Variants in PITPNA observed in about 807,000 individuals in gnomAD.
The protein encoded by PITPNA is phosphatidylinositol transfer protein alpha.
In PITPNA, 13 loss-of-function variants were observed where a neutral mutation model predicts 50.3. The ratio of observed to expected loss-of-function variants is 0.26; its 90% confidence interval spans 0.17 to 0.41. The LOEUF is 0.41. Among genes scored for constraint, PITPNA ranks in the 10% least tolerant of loss-of-function variants. The probability of loss-of-function intolerance (pLI) is 1.00; values close to 1 mark genes in which losing one functional copy is unlikely to be tolerated. For synonymous variants in PITPNA, 120 were observed against 119.6 expected (o/e 1.00, Z -0.02); for missense variants, 207 against 333.4 (o/e 0.62, Z 2.95).
intron 10 of PITPNA, 72 bp from the exon 11 acceptor site, chr17:1,521,717 C>T: frequency 1.6e-6 from 2 of 1,288,216 alleles, no homozygotes; most frequent in African/African-American, 1.5e-5. Context: ...CAGTCCTGCC[C>T]ATAGGTGGGG....
chr17:1,527,278 C>T (rs1026356161), intron 10 of PITPNA, among the ~76,000 whole-genome samples: 16 of 152,108 alleles, frequency 1.1e-4, no homozygotes, highest in Non-Finnish European at 1.6e-4. Flanking sequence ...GAGTTTCGCT[C>T]TGTTGCCCAG....
chr17:1,548,431 G>T, intron 3 of PITPNA, 44 bp from the exon 4 acceptor site: 1 of 1,365,444 alleles, frequency 7.3e-7, no homozygotes, highest in Non-Finnish European at 1.0e-6. Flanking sequence ...ATGGTAGAGA[G>T]AAAGGAGACA....
At position 1,520,224 on chromosome 17, in the gene PITPNA, C is replaced by T. The variant is rs1464266053; in HGVS notation, c.*337G>A. Reference sequence around the variant, plus strand: ...TCACAAAAGGCAGCTATTTGAAAGACTGAAAATGTCACTTGGAAATAAAGG... The same window carrying T: ...TCACAAAAGGCAGCTATTTGAAAGATTGAAAATGTCACTTGGAAATAAAGG... On this transcript the variant is annotated 3_prime_UTR_variant, in exon 12 of 12. Coordinates refer to ENST00000313486, the MANE Select transcript of PITPNA (RefSeq NM_006224.4). 6.6e-6 allele frequency: 1 copy of T among 152,440 alleles called. No individual in the cohort carries two copies. Among genetic ancestry groups the T allele is most frequent in the Non-Finnish European group, 1.5e-5 (1 of 68,048 alleles). The allele number at this position is 152,440 out of a possible 1,614,324, so 9.4% of individuals were successfully genotyped here.
At chr17:1,533,824 G>A (rs937400238) in intron 10 of PITPNA, among the ~76,000 whole-genome samples, 6 of 152,082 alleles carry the variant, frequency 3.9e-5, no homozygotes, top group Non-Finnish European at 5.9e-5. Context: ...CTGAAGCATC[G>A]CTGTAGCAGC....
rs2150998982 is a variant in PITPNA, at chr17:1,517,887, T to G, written c.*2674A>C. Reference sequence around the variant, plus strand: ...GCAAAAATTTTCAGACACACCTTTGTACCTCTTCCTAATCCTGCCCTGGTA... The same window carrying G: ...GCAAAAATTTTCAGACACACCTTTGGACCTCTTCCTAATCCTGCCCTGGTA... On this transcript the variant is annotated 3_prime_UTR_variant, in exon 12 of 12. Transcript: ENST00000313486. 1 of 152,686 alleles carries G rather than the reference T, an allele frequency of 6.5e-6. No individual in the cohort carries two copies. Among genetic ancestry groups the G allele is most frequent in the South Asian group, 2.1e-4 (1 of 4,826 alleles). 9.5% of individuals were successfully genotyped at this position (152,686 alleles called of 1,614,324 possible). A position where few individuals can be genotyped will look rare whatever the true frequency, so the allele number is the denominator to read the frequency against.
chr17:1,536,518 T>C (rs2075618052), intron 7 of PITPNA, among the ~76,000 whole-genome samples: 2 of 152,114 alleles, frequency 1.3e-5, no homozygotes, highest in African/African-American at 2.4e-5. Flanking sequence ...CTCGATCTCC[T>C]GACCTCGTGA....
intron 6 of PITPNA, among the ~76,000 whole-genome samples, chr17:1,541,171 T>A (rs886379031): frequency 2.6e-5 from 4 of 152,236 alleles, no homozygotes; most frequent in African/African-American, 9.6e-5. Context: ...ATGAGTCTCC[T>A]TGTATATATG....
At chr17:1,551,116 G>A (rs1474045222) in intron 3 of PITPNA, among the ~76,000 whole-genome samples, 6 of 151,642 alleles carry the variant, frequency 4.0e-5, no homozygotes, top group South Asian at 2.1e-4. Context: ...AGAGTGTTGC[G>A]GGGCGGAGTC....
At chr17:1,547,792 G>A (rs1344553658) in intron 4 of PITPNA, among the ~76,000 whole-genome samples, 4 of 152,100 alleles carry the variant, frequency 2.6e-5, no homozygotes, top group Non-Finnish European at 4.4e-5. Flanking sequence ...TCAGGAGGTC[G>A]AGACCAGCCT....
intron 1 of PITPNA, among the ~76,000 whole-genome samples, chr17:1,560,686 G>A (rs990340348): frequency 1.3e-5 from 2 of 152,198 alleles, no homozygotes; most frequent in Admixed American, 6.5e-5. Context: ...TCAGAAGGAT[G>A]GGAAAAGCCT....
intron 7 of PITPNA, among the ~76,000 whole-genome samples, chr17:1,536,164 T>C (rs1385499611): frequency 6.6e-6 from 1 of 152,150 alleles, no homozygotes; most frequent in Non-Finnish European, 1.5e-5. Flanking sequence ...TTTTCAGCTG[T>C]CCCTCTACAT....
Position 1,562,514 on chromosome 17 carries a change from G to A in PITPNA, c.20+27C>T, listed in dbSNP as rs2075773819. Reference sequence around the variant, plus strand: ...GCCGTCCCCACCCTCCCTCCTCCCCGCTTCCGCACGGCCGCCGGACACTCA... The same window carrying A: ...GCCGTCCCCACCCTCCCTCCTCCCCACTTCCGCACGGCCGCCGGACACTCA... On this transcript the variant is annotated intron_variant, in intron 1 of 11. Transcript: ENST00000313486. The surrounding 1 kb of genome is among the most constrained non-coding windows in gnomAD (Gnocchi z 6.4). 3.0e-6 allele frequency: 3 copies of A among 996,098 alleles called. No individual in the cohort carries two copies. The highest frequency in any genetic ancestry group is 1.7e-5 in the South Asian group (1 of 60,180). 61.7% of individuals were successfully genotyped at this position (996,098 alleles called of 1,614,324 possible). A position where few individuals can be genotyped will look rare whatever the true frequency, so the allele number is the denominator to read the frequency against.
chr17:1,548,187 G>C, intron 4 of PITPNA, 109 bp downstream of exon 4: 1 of 674,910 alleles, frequency 1.5e-6, no homozygotes. Context: ...CCATCAGCCG[G>C]AAGGGACCCA....
intron 1 of PITPNA, among the ~76,000 whole-genome samples, chr17:1,560,901 C>T (rs1420030200): frequency 1.4e-4 from 22 of 152,134 alleles, no homozygotes; most frequent in Admixed American, 1.4e-3. Context: ...GGTCTCAGCT[C>T]CCTCTGTTAC....
At chr17:1,558,887 G>A (rs1458773633) in intron 1 of PITPNA, among the ~76,000 whole-genome samples, 3 of 148,434 alleles carry the variant, frequency 2.0e-5, no homozygotes, top group South Asian at 2.1e-4. Flanking sequence ...CTATCCTCCC[G>A]CCAGCTACTT....
In PITPNA at chr17:1,522,071, C is replaced by CTTTTTTTTTTTTTT. The variant is rs1555530261; in HGVS notation, c.769-427_769-426insAAAAAAAAAAAAAA. Among the ~76,000 whole-genome samples, 118 of 141,634 alleles carry CTTTTTTTTTTTTTT rather than the reference C, an allele frequency of 8.3e-4. 3 individuals are homozygous for CTTTTTTTTTTTTTT. The highest frequency in any genetic ancestry group is 2.9e-3 in the African/African-American group (107 of 37,236). 92.9% of individuals were successfully genotyped at this position (141,634 alleles called of 152,430 possible). ...CATTCAACAAATACTTATGAAACATCTTTTTTTTTTTGAGACGGAGTCTCG... is the reference window on the plus strand; with the variant it reads ...CATTCAACAAATACTTATGAAACATCTTTTTTTTTTTTTTTTTTTTTTTTTGAGACGGAGTCTCG... On this transcript the variant is annotated intron_variant, in intron 10 of 11. Transcript: ENST00000313486.
intron 4 of PITPNA, among the ~76,000 whole-genome samples, chr17:1,543,695 C>T (rs11870469): frequency 0.013 from 1,916 of 152,184 alleles, 41 homozygotes; most frequent in African/African-American, 0.043. Flanking sequence ...TGTGGGGTAA[C>T]AAACTCCAGA....
In PITPNA at chr17:1,562,711, C is replaced by T. The variant is rs2075774808; in HGVS notation, c.-151G>A. ...CCCGCCGCCCTCGCCGCGGTCGCCG[C>T]GCCGGCTCCTGCCGCCCGGGCCTCG... On this transcript the variant is annotated 5_prime_UTR_variant, in exon 1 of 12. Coordinates refer to ENST00000313486, the MANE Select transcript of PITPNA (RefSeq NM_006224.4). This position sits in a 1 kb window ranked among gnomAD's most constrained non-coding sequence, Gnocchi z 6.4. The T allele has an allele frequency of 2.7e-6, 1 of 373,060 alleles. No homozygotes were observed. Among genetic ancestry groups the T allele is most frequent in the Admixed American group, 6.2e-5 (1 of 16,136 alleles). 23.1% of individuals were successfully genotyped at this position (373,060 alleles called of 1,614,324 possible).
chr17:1,537,318 G>A (rs987945237), intron 7 of PITPNA, among the ~76,000 whole-genome samples: 5 of 152,090 alleles, frequency 3.3e-5, no homozygotes, highest in Middle Eastern at 3.4e-3. Flanking sequence ...CCACCTTGGC[G>A]TCCCAAAGTG....
Sources: gnomAD v4.1 joint callset for allele counts (sites outside exome capture counted in the v4.1 genomes callset) on GRCh38, gnomAD v4.1.1 for gene constraint, Gnocchi (gnomAD v3.1) non-coding constraint, MANE v1.5 for transcripts, NCBI Gene and HGNC (gene_info 2026-07-23, HGNC 2026-07-21) for gene names.